The following HNF4G variants were observed in gnomAD, a reference collection of about 807,000 sequenced individuals.
The protein encoded by HNF4G is hepatocyte nuclear factor 4-gamma.
Under a neutral mutation model 50.9 loss-of-function variants are expected in HNF4G, and 21 were observed. The ratio of observed to expected loss-of-function variants is 0.41; its 90% CI spans 0.29 to 0.59. The LOEUF (loss-of-function observed/expected upper bound fraction) is 0.59, where lower values mean the gene tolerates loss of function less well. Among genes scored for constraint, HNF4G ranks in the 20% least tolerant of loss-of-function variants. HNF4G has a pLI of 0.26. For synonymous variants in HNF4G, 198 were observed against 185.6 expected, an observed-to-expected ratio of 1.07 and a Z score of -0.54; for missense variants, 527 against 559.4, an observed-to-expected ratio of 0.94 and a Z score of 0.58.
chr8:75,561,462 T>A (rs1179852524), intron 9 of HNF4G, among the ~76,000 whole-genome samples: 1 of 152,210 alleles, frequency 6.6e-6, no homozygotes, highest in African/African-American at 2.4e-5. Context: ...TAAAATGTGA[T>A]GTGAATTTAC....
chr8:75,504,127 C>T lies in HNF4G; in HGVS notation c.-24+13919C>T, dbSNP rs190900584. ...GTCCCAGCTACTCAGGAGGCTGAGG[C>T]AGGAGAATCCCTTGGACCAGGAGGC... is the stretch of plus-strand genomic sequence containing the variant. On this transcript the variant is annotated intron_variant, in intron 2 of 10. Coordinates refer to the HNF4G transcript ENST00000354370. Among the ~76,000 whole-genome samples, 620 of 151,950 alleles carry T rather than the reference C, an allele frequency of 4.1e-3. 3 individuals carry two copies. The highest frequency in any genetic ancestry group is 5.4e-3 in the Non-Finnish European group (368 of 67,966).
chr8:75,551,294 A>T, intron 3 of HNF4G, 94 bp from the exon 4 acceptor site: 1 of 659,350 alleles, frequency 1.5e-6, no homozygotes, highest in African/African-American at 1.8e-5. Context: ...ACTTTTTCTC[A>T]CTTTTTTTAC....
chr8:75,484,242 G>T (rs1298459993), intron 1 of HNF4G, among the ~76,000 whole-genome samples: 1 of 152,186 alleles, frequency 6.6e-6, no homozygotes, highest in Non-Finnish European at 1.5e-5. Flanking sequence ...GCTAAGTATA[G>T]TGTGGTACAT....
At chr8:75,523,219 G>A (rs1460418829) in intron 2 of HNF4G, among the ~76,000 whole-genome samples, 3 of 151,682 alleles carry the variant, frequency 2.0e-5, no homozygotes, top group Admixed American at 6.6e-5. Flanking sequence ...GTGAGACTCC[G>A]TCTGAAAAAA....
In HNF4G at chr8:75,556,136, T is replaced by A. The variant is rs1333671177; in HGVS notation, c.733+67T>A. ...TTTATTCTTGCAATATTATACAGGG[T>A]CTGTTCTGTATGTACCAAGTATTTA... is the stretch of plus-strand genomic sequence containing the variant. On this transcript the variant is annotated intron_variant, in intron 6 of 9. Coordinates refer to ENST00000396423, the MANE Select transcript of HNF4G (RefSeq NM_004133.5). The A allele has an allele frequency of 7.3e-6, 6 of 822,664 alleles. No individual in the cohort carries two copies. In the East Asian group the frequency reaches 1.6e-4, roughly 22 times the overall value. 51.0% of individuals were successfully genotyped at this position (822,664 alleles called of 1,614,324 possible).
intron 1 of HNF4G, among the ~76,000 whole-genome samples, chr8:75,411,128 G>A (rs967617314): frequency 2.6e-5 from 4 of 152,234 alleles, no homozygotes; most frequent in African/African-American, 7.2e-5. Flanking sequence ...GTTTACATGG[G>A]ATAGAGCTGG....
At position 75,469,125 on chromosome 8, in the gene HNF4G, G is replaced by T. The variant is rs73688898; in HGVS notation, c.-143-20964G>T. On this transcript the variant is annotated intron_variant, in intron 1 of 10. Transcript: ENST00000354370. ...ATTTGGCTTCAGGTCTGAGGTGCAG[G>T]TGGAAGGAGCAGCAGAGATATTGGA... Among the ~76,000 whole-genome samples the T allele has an allele frequency of 5.0e-3, 767 of 152,330 alleles. 13 individuals are homozygous for T. Among genetic ancestry groups the T allele is most frequent in the African/African-American group, 0.018 (741 of 41,574 alleles).
At chr8:75,520,877 C>T (rs1191611286) in intron 2 of HNF4G, among the ~76,000 whole-genome samples, 1 of 151,936 alleles carries the variant, frequency 6.6e-6, no homozygotes, top group Non-Finnish European at 1.5e-5. Flanking sequence ...AGGTAGCTTA[C>T]TTTCACAAGT....
Position 75,566,605 on chromosome 8 carries a change from T to C in HNF4G, c.*2509T>C, listed in dbSNP as rs2130827759. ...ATTTTCAAAATATTGATAAGGGAAG[T>C]TATTACTTTTATATAGTATTCAACT... On this transcript the variant is annotated 3_prime_UTR_variant, in exon 10 of 10. Transcript: ENST00000396423. 6.6e-6 allele frequency: 1 copy of C among 152,594 alleles called. No individual in the cohort carries two copies. The highest frequency in any genetic ancestry group is 1.9e-4 in the East Asian group (1 of 5,188). 9.5% of individuals were successfully genotyped at this position (152,594 alleles called of 1,614,324 possible).
chr8:75,515,771 T>C, intron 2 of HNF4G, among the ~76,000 whole-genome samples: 1 of 143,438 alleles, frequency 7.0e-6, no homozygotes, highest in East Asian at 2.0e-4. Context: ...GGCCACCATG[T>C]TTTTTTTTTT....
chr8:75,504,230 GACACACACACACACACACAC>G (rs201513424), intron 2 of HNF4G, among the ~76,000 whole-genome samples: 7 of 108,304 alleles, frequency 6.5e-5, no homozygotes, highest in Non-Finnish European at 1.1e-4. Context: ...AAAGCACACA[GACACACACACACACACACAC>G]ACACACACAC....
At chr8:75,552,680 A>C (rs1338580855) in intron 4 of HNF4G, among the ~76,000 whole-genome samples, 3 of 152,168 alleles carry the variant, frequency 2.0e-5, no homozygotes, top group Non-Finnish European at 4.4e-5. Context: ...AAAATCAAAG[A>C]GCATATTACA....
intron 5 of HNF4G, among the ~76,000 whole-genome samples, 162 bp from the exon 6 acceptor site, chr8:75,555,820 T>C (rs924201205): frequency 1.3e-5 from 2 of 152,046 alleles, no homozygotes; most frequent in African/African-American, 4.8e-5. Flanking sequence ...CATGCTATGA[T>C]AGAAAACTGG....
intron 2 of HNF4G, among the ~76,000 whole-genome samples, chr8:75,502,381 A>C (rs1446705986): frequency 6.6e-6 from 1 of 152,208 alleles, no homozygotes; most frequent in East Asian, 1.9e-4. Flanking sequence ...GACTTGATGA[A>C]TTTTATAAAC....
intron 6 of HNF4G, 106 bp from the exon 7 acceptor site, chr8:75,558,412 G>A: frequency 1.0e-6 from 1 of 983,052 alleles, no homozygotes; most frequent in Non-Finnish European, 1.5e-6. Flanking sequence ...ATTCCTTCAA[G>A]GGTAGACTAT....
chr8:75,552,020 TAA>T (rs1485725996), intron 4 of HNF4G, among the ~76,000 whole-genome samples: 2 of 152,184 alleles, frequency 1.3e-5, no homozygotes, highest in South Asian at 2.1e-4. Flanking sequence ...GTTAAAAAAA[TAA>T]GTCATTAGTT....
intron 1 of HNF4G, among the ~76,000 whole-genome samples, chr8:75,468,123 T>C (rs2130624988): frequency 6.6e-6 from 1 of 152,342 alleles, no homozygotes; most frequent in Non-Finnish European, 1.5e-5. Context: ...CATTTTAATA[T>C]ATCTTCCACT....
intron 1 of HNF4G, among the ~76,000 whole-genome samples, chr8:75,467,428 G>T (rs925340631): frequency 1.3e-5 from 2 of 152,198 alleles, no homozygotes; most frequent in East Asian, 3.9e-4. Flanking sequence ...TTGGGAGGCT[G>T]AGGCAGGCAG....
intron 1 of HNF4G, 85 bp from the exon 2 acceptor site, chr8:75,543,726 G>T: frequency 3.4e-6 from 4 of 1,182,824 alleles, no homozygotes; most frequent in South Asian, 1.5e-5. Context: ...TGAATGGAGT[G>T]TTATGAGCCT....
Sources: allele counts gnomAD v4.1 joint callset (sites outside exome capture counted in the v4.1 genomes callset), GRCh38; gene constraint gnomAD v4.1.1; transcripts MANE v1.5; gene names NCBI Gene and HGNC (gene_info 2026-07-23, HGNC 2026-07-21).